PRICKLE1: variants seen among roughly 807,000 people sequenced by gnomAD.
The protein encoded by PRICKLE1 is prickle planar cell polarity protein 1.
PRICKLE1 carries 14 observed loss-of-function variants against 70.2 expected under a neutral mutation model. The observed-to-expected ratio is 0.20, with a 90% CI of 0.13 to 0.31. The LOEUF (loss-of-function observed/expected upper bound fraction) is 0.31. Among genes scored for constraint, PRICKLE1 ranks in the 10% least tolerant of loss-of-function variants. PRICKLE1 has a pLI of 1.00. For missense variants in PRICKLE1, 821 were observed against 1,026.2 expected (o/e 0.80, Z 2.73); for synonymous variants, 357 against 379.9 (o/e 0.94, Z 0.70).
At position 42,476,187 on chromosome 12, in the gene PRICKLE1, T is replaced by C. The variant is rs181320921; in HGVS notation, c.-48-3623A>G. ...ATCATCACTAGCAACTTCTTTTTTC[T>C]TTTTTCTTTTTTTTTTTTGAGTTTT... On this transcript the variant is annotated intron_variant, in intron 1 of 7. Coordinates refer to ENST00000345127, the MANE Select transcript of PRICKLE1 (RefSeq NM_153026.3). Among the ~76,000 whole-genome samples, 73 of 147,320 alleles carry C rather than the reference T, an allele frequency of 5.0e-4. 1 individual carries two copies. In the East Asian group the frequency reaches 0.013, roughly 26 times the overall value.
At chr12:42,554,729 A>G (rs888569773) in intron 1 of PRICKLE1, among the ~76,000 whole-genome samples, 17 of 152,238 alleles carry the variant, frequency 1.1e-4, no homozygotes, top group African/African-American at 4.1e-4. Flanking sequence ...AATGCCAGCA[A>G]AGCCCAATTC....
At chr12:42,531,043 C>CTTTT (rs141334021) in intron 1 of PRICKLE1, among the ~76,000 whole-genome samples, 22 of 100,138 alleles carry the variant, frequency 2.2e-4, no homozygotes, top group African/African-American at 2.9e-4. Flanking sequence ...ATGTTAAGGG[C>CTTTT]TTTTTTTTTT....
At chr12:42,527,917 ATATATATATATAT>A (rs1939834262) in intron 1 of PRICKLE1, among the ~76,000 whole-genome samples, 2 of 117,644 alleles carry the variant, frequency 1.7e-5, no homozygotes, top group African/African-American at 3.4e-5. Context: ...ACTCTTTATA[ATATATATATATAT>A]ATATATATAT....
chr12:42,543,905 AAGT>A (rs1940160347), intron 1 of PRICKLE1, among the ~76,000 whole-genome samples: 1 of 152,234 alleles, frequency 6.6e-6, no homozygotes, highest in Non-Finnish European at 1.5e-5. Flanking sequence ...TATTTTGTAT[AAGT>A]ATTATATACT....
chr12:42,574,074 G>A (rs1023942472), intron 1 of PRICKLE1, among the ~76,000 whole-genome samples: 1 of 152,186 alleles, frequency 6.6e-6, no homozygotes, highest in Non-Finnish European at 1.5e-5. Context: ...ATGGGGTTAT[G>A]GTCACTGGCT....
intron 1 of PRICKLE1, among the ~76,000 whole-genome samples, chr12:42,573,259 A>T (rs1268025619): frequency 6.6e-6 from 1 of 152,230 alleles, no homozygotes. Flanking sequence ...GGGCATTGCC[A>T]TCAAGCCAGG....
At chr12:42,475,858 TGG>T (rs5797797) in intron 1 of PRICKLE1, among the ~76,000 whole-genome samples, 10 of 149,088 alleles carry the variant, frequency 6.7e-5, no homozygotes, top group African/African-American at 9.8e-5. Flanking sequence ...TTTGGGAGGC[TGG>T]GGGGGGGCGG....
At chr12:42,560,768 TCACACACACACACACACACACACA>T (rs71084672) in intron 1 of PRICKLE1, among the ~76,000 whole-genome samples, 1,792 of 127,762 alleles carry the variant, frequency 0.014, 22 homozygotes, top group East Asian at 0.019. Context: ...GCCCATCTTC[TCACACACACACACACACACACACA>T]CACACACACA....
At chr12:42,548,444 A>C (rs913450970) in intron 1 of PRICKLE1, among the ~76,000 whole-genome samples, 8 of 152,242 alleles carry the variant, frequency 5.3e-5, no homozygotes, top group African/African-American at 1.9e-4. Flanking sequence ...TATAGAAGAC[A>C]AAAAGCGGGG....
chr12:42,510,887 A>G (rs1035820923), intron 1 of PRICKLE1, among the ~76,000 whole-genome samples: 3 of 152,234 alleles, frequency 2.0e-5, no homozygotes, highest in African/African-American at 4.8e-5. Context: ...TGCTTATCTG[A>G]AAAGGTTCTT....
At chr12:42,477,689 C>A (rs981630994) in intron 1 of PRICKLE1, among the ~76,000 whole-genome samples, 1 of 151,594 alleles carries the variant, frequency 6.6e-6, no homozygotes, top group Non-Finnish European at 1.5e-5. Context: ...ATGTGGTCTG[C>A]CAAAACATCA....
intron 1 of PRICKLE1, among the ~76,000 whole-genome samples, chr12:42,490,500 G>A (rs1254869626): frequency 6.6e-6 from 1 of 152,210 alleles, no homozygotes; most frequent in Middle Eastern, 3.2e-3. Flanking sequence ...GAGTGACATG[G>A]TCGTATTTAT....
intron 1 of PRICKLE1, among the ~76,000 whole-genome samples, chr12:42,481,799 C>A (rs557452659): frequency 6.6e-5 from 10 of 152,332 alleles, no homozygotes; most frequent in Admixed American, 3.3e-4. Context: ...TCCTTAACTT[C>A]AATCGAGATG....
intron 1 of PRICKLE1, among the ~76,000 whole-genome samples, chr12:42,514,567 A>G (rs776310372): frequency 1.3e-5 from 2 of 152,216 alleles, no homozygotes; most frequent in Non-Finnish European, 2.9e-5. Flanking sequence ...CTAAAATTAA[A>G]TCTGAACACT....
chr12:42,488,792 T>C (rs911147353), intron 1 of PRICKLE1, among the ~76,000 whole-genome samples: 3 of 152,154 alleles, frequency 2.0e-5, no homozygotes, highest in African/African-American at 7.2e-5. Context: ...ATACTATAAA[T>C]ACCAAACCAG....
chr12:42,544,698 C>T (rs1940175604), intron 1 of PRICKLE1, among the ~76,000 whole-genome samples: 1 of 152,126 alleles, frequency 6.6e-6, no homozygotes, highest in Non-Finnish European at 1.5e-5. Flanking sequence ...TTTATCTTAT[C>T]AAAGTAATAT....
intron 1 of PRICKLE1, among the ~76,000 whole-genome samples, chr12:42,479,442 C>G (rs1309481262): frequency 2.0e-5 from 3 of 152,230 alleles, no homozygotes; most frequent in African/African-American, 7.2e-5. Context: ...GTCTATGGAG[C>G]ATGACAGTTT....
chr12:42,540,067 C>A (rs998911865), intron 1 of PRICKLE1, among the ~76,000 whole-genome samples: 3 of 152,160 alleles, frequency 2.0e-5, no homozygotes, highest in Non-Finnish European at 4.4e-5. Context: ...ACATCATGAA[C>A]CTCCCTGGTT....
chr12:42,462,925 C>T (rs1937915252), intron 7 of PRICKLE1, among the ~76,000 whole-genome samples: 1 of 152,190 alleles, frequency 6.6e-6, no homozygotes, highest in African/African-American at 2.4e-5. Flanking sequence ...TTTGGTAATT[C>T]AAGTTTCCTC....
Sources: gnomAD v4.1 joint callset for allele counts (sites outside exome capture counted in the v4.1 genomes callset) on GRCh38, gnomAD v4.1.1 for gene constraint, MANE v1.5 for transcripts, NCBI Gene and HGNC (gene_info 2026-07-23, HGNC 2026-07-21) for gene names.